DPT: variants seen among roughly 807,000 people sequenced by gnomAD.
DPT encodes the protein dermatopontin.
A neutral mutation model predicts 31.2 loss-of-function variants in DPT; 21 were observed. The ratio of observed to expected loss-of-function variants is 0.67; its 90% CI spans 0.48 to 0.97. DPT has a LOEUF of 0.97. Ranked by LOEUF, DPT falls within the 50% of genes least tolerant of loss-of-function variation. The pLI, the probability that DPT is intolerant of heterozygous loss-of-function variation, is 0.00. For missense variants in DPT, 262 were observed against 258.8 expected (o/e 1.01, Z -0.08); for synonymous variants, 91 against 86.9 (o/e 1.05, Z -0.26).
intron 2 of DPT, among the ~76,000 whole-genome samples, chr1:168,710,257 T>G (rs762681246): frequency 6.6e-6 from 1 of 152,230 alleles, no homozygotes; most frequent in Admixed American, 6.5e-5. Context: ...ACCATTTTAT[T>G]TGGTGACCGT....
chr1:168,723,021 A>C (rs1267785453), intron 1 of DPT, among the ~76,000 whole-genome samples: 1 of 152,158 alleles, frequency 6.6e-6, no homozygotes, highest in African/African-American at 2.4e-5. Context: ...ATTTTTGCAG[A>C]GCTCAAGTTC....
At chr1:168,710,119 C>G (rs1250544054) in intron 2 of DPT, among the ~76,000 whole-genome samples, 1 of 152,192 alleles carries the variant, frequency 6.6e-6, no homozygotes, top group East Asian at 1.9e-4. Context: ...AACATCATGA[C>G]TCAGGCAATT....
At chr1:168,704,184 T>C (rs1649664505) in intron 2 of DPT, among the ~76,000 whole-genome samples, 1 of 152,190 alleles carries the variant, frequency 6.6e-6, no homozygotes, top group African/African-American at 2.4e-5. Context: ...TGTGAATTAC[T>C]AGGTCACTTT....
At position 168,728,794 on chromosome 1, in the gene DPT, G is replaced by A. The variant is rs1308173241; in HGVS notation, c.305+76C>T. ...GGCTTTGGTTACTGATATTCCTTGAGAGTCTAGCAGCCCCCAGGAGGAGGG... is the reference window on the plus strand; with the variant it reads ...GGCTTTGGTTACTGATATTCCTTGAAAGTCTAGCAGCCCCCAGGAGGAGGG... On this transcript the variant is annotated intron_variant, in intron 1 of 3. Coordinates refer to ENST00000367817, the MANE Select transcript of DPT (RefSeq NM_001937.5). 7 of 1,541,710 alleles carry A rather than the reference G, an allele frequency of 4.5e-6. No individual in the cohort carries two copies. In the East Asian group the frequency reaches 6.8e-5, roughly 15 times the overall value.
At chr1:168,727,451 T>C (rs1319986556) in intron 1 of DPT, among the ~76,000 whole-genome samples, 3 of 152,152 alleles carry the variant, frequency 2.0e-5, no homozygotes, top group African/African-American at 7.2e-5. Flanking sequence ...CCCCCACCCA[T>C]CGGTGTTTCT....
chr1:168,721,285 G>T (rs1339487294), intron 1 of DPT, among the ~76,000 whole-genome samples: 1 of 152,164 alleles, frequency 6.6e-6, no homozygotes, highest in Non-Finnish European at 1.5e-5. Flanking sequence ...CCCTTCTGCT[G>T]ATATTTATAC....
At chr1:168,714,027 G>A (rs935949684) in intron 2 of DPT, among the ~76,000 whole-genome samples, 194 bp downstream of exon 2, 8 of 152,298 alleles carry the variant, frequency 5.3e-5, no homozygotes, top group Non-Finnish European at 1.0e-4. Context: ...AAAGAAGGAT[G>A]TGGGGGGTTG....
At chr1:168,715,664 C>T (rs1449243676) in intron 1 of DPT, among the ~76,000 whole-genome samples, 3 of 152,208 alleles carry the variant, frequency 2.0e-5, no homozygotes, top group African/African-American at 7.2e-5. Flanking sequence ...AACAGCAGAG[C>T]CCTGGAAATT....
At chr1:168,717,612 T>C (rs1650012588) in intron 1 of DPT, among the ~76,000 whole-genome samples, 2 of 152,184 alleles carry the variant, frequency 1.3e-5, no homozygotes, top group African/African-American at 4.8e-5. Context: ...TTGGTGTTTT[T>C]TATTATGAAG....
At chr1:168,718,922 G>A (rs73032023) in intron 1 of DPT, among the ~76,000 whole-genome samples, 33 of 152,278 alleles carry the variant, frequency 2.2e-4, no homozygotes, top group Admixed American at 6.5e-4. Context: ...TGGATTCATA[G>A]GCCCTCCCTG....
At chr1:168,709,408 A>G (rs767382707) in intron 2 of DPT, among the ~76,000 whole-genome samples, 2 of 152,246 alleles carry the variant, frequency 1.3e-5, no homozygotes, top group Non-Finnish European at 2.9e-5. Context: ...CTATTCATCC[A>G]ATCCAGTGGA....
intron 2 of DPT, among the ~76,000 whole-genome samples, chr1:168,710,081 T>C (rs542033806): frequency 6.6e-6 from 1 of 152,306 alleles, no homozygotes; most frequent in Non-Finnish European, 1.5e-5. Flanking sequence ...ATTTATGCCC[T>C]GGAGGCATTT....
chr1:168,728,321 C>T lies in DPT; in HGVS notation c.305+549G>A, dbSNP rs1650293267. On this transcript the variant is annotated intron_variant, in intron 1 of 3. Coordinates refer to ENST00000367817, the MANE Select transcript of DPT (RefSeq NM_001937.5). Reference sequence around the variant, plus strand: ...GCTATTTAATTCCACTTTCTTTTGCCTAAATGTCCTTGTCCCCTCTTTTCC... The same window carrying T: ...GCTATTTAATTCCACTTTCTTTTGCTTAAATGTCCTTGTCCCCTCTTTTCC... Among the ~76,000 whole-genome samples the T allele has an allele frequency of 2.6e-5, 4 of 152,294 alleles. No homozygotes were observed. The South Asian group carries it at 8.3e-4, about 32-fold the overall frequency.
Position 168,695,897 on chromosome 1 carries a change from T to C in DPT, c.*652A>G. 3.1e-6 allele frequency: 1 copy of C among 319,372 alleles called. No homozygotes were observed. The allele number at this position is 319,372 out of a possible 1,614,324, so 19.8% of individuals were successfully genotyped here. On this transcript the variant is annotated 3_prime_UTR_variant, in exon 4 of 4. Coordinates refer to ENST00000367817, the MANE Select transcript of DPT (RefSeq NM_001937.5). ...CCCTGCACTCATTTTCCTTACTGGG[T>C]ATGCTAACGTTTGTCTTCTAATTCA...
chr1:168,729,067 A>G lies in DPT; in HGVS notation c.108T>C (p.Asp36=), dbSNP rs1178251321. 3.7e-6 allele frequency: 6 copies of G among 1,614,066 alleles called. No individual in the cohort carries two copies. The highest frequency in any genetic ancestry group is 3.4e-6 in the Non-Finnish European group (4 of 1,180,046). ...PYQQYHDYSD[D]GWVNLNRQGF... ...CTTGCCGGTTCAAATTCACCCACCC[A>G]TCATCGCTGTAGTCATGATACTGCT... is the stretch of plus-strand genomic sequence containing the variant. The change falls in exon 1 of 4, where the codon GAT becomes GAC. Residue 36 remains aspartate (D), a synonymous_variant. Coordinates refer to ENST00000367817, the MANE Select transcript of DPT (RefSeq NM_001937.5).
intron 3 of DPT, among the ~76,000 whole-genome samples, chr1:168,699,784 T>A (rs1344271467): frequency 6.6e-6 from 1 of 151,482 alleles, no homozygotes; most frequent in East Asian, 1.9e-4. Context: ...TTTCAGGAAT[T>A]CATTTCTGTG....
chr1:168,705,489 C>T (rs1467424061), intron 2 of DPT, among the ~76,000 whole-genome samples: 2 of 152,136 alleles, frequency 1.3e-5, no homozygotes, highest in Non-Finnish European at 2.9e-5. Flanking sequence ...GGAAAAAAAC[C>T]CCAGCATTTA....
chr1:168,725,703 C>A (rs1463761898), intron 1 of DPT, among the ~76,000 whole-genome samples: 1 of 152,204 alleles, frequency 6.6e-6, no homozygotes, highest in Non-Finnish European at 1.5e-5. Context: ...AAACTGTGAT[C>A]AATGGCAGCA....
At position 168,728,921 on chromosome 1, in the gene DPT, C is replaced by T; in HGVS notation, c.254G>A (p.Gly85Glu). ...YACMPTPQSLGEPTECWWEEI... is the reference protein window; with the variant it reads ...YACMPTPQSLEEPTECWWEEI... Reference sequence around the variant, plus strand: ...CTCCCACCAGCACTCCGTGGGTTCCCCGAGGCTCTGTGGCGTGGGCATGCA... The same window carrying T: ...CTCCCACCAGCACTCCGTGGGTTCCTCGAGGCTCTGTGGCGTGGGCATGCA... Residue 85 changes from glycine to glutamate, a missense_variant, in exon 1 of 4, where the codon GGG (glycine) becomes GAG (glutamate). Gly to Glu is a moderately conservative substitution (Grantham distance 98, BLOSUM62 -2). Coordinates refer to ENST00000367817, the MANE Select transcript of DPT (RefSeq NM_001937.5). 1 of 1,614,236 alleles carries T rather than the reference C, an allele frequency of 6.2e-7. No homozygotes were observed. The highest frequency in any genetic ancestry group is 8.5e-7 in the Non-Finnish European group (1 of 1,180,042).
Sources: allele counts gnomAD v4.1 joint callset (sites outside exome capture counted in the v4.1 genomes callset), GRCh38; gene constraint gnomAD v4.1.1; transcripts MANE v1.5; gene names NCBI Gene and HGNC (gene_info 2026-07-23, HGNC 2026-07-21).